PIK3R4: variants seen among roughly 807,000 people sequenced by gnomAD.
The protein encoded by PIK3R4 is phosphoinositide 3-kinase regulatory subunit 4.
In PIK3R4, 46 loss-of-function variants were observed where a neutral mutation model predicts 136.5. The ratio of observed to expected loss-of-function variants is 0.34; its 90% CI spans 0.27 to 0.43. PIK3R4 has a LOEUF of 0.43. Among genes scored for constraint, PIK3R4 ranks in the 20% least tolerant of loss-of-function variants. The pLI is 1.00. For synonymous variants in PIK3R4, 557 were observed against 566.7 expected (o/e 0.98, Z 0.24); for missense variants, 1,331 against 1,649.5 (o/e 0.81, Z 3.35).
At chr3:130,708,165 T>C in intron 10 of PIK3R4, 126 bp downstream of exon 10, 1 of 712,308 alleles carries the variant, frequency 1.4e-6, no homozygotes, top group Middle Eastern at 3.5e-4. Context: ...AGTAATGGAG[T>C]CACTGTATTT....
chr3:130,701,420 G>A (rs928846010), intron 13 of PIK3R4, among the ~76,000 whole-genome samples: 1 of 152,022 alleles, frequency 6.6e-6, no homozygotes, highest in Non-Finnish European at 1.5e-5. Context: ...GCTGAGGCAG[G>A]AGAATCACTT....
rs5852606 is a variant in PIK3R4 at position 130,728,686 on chromosome 3, T to TAAAAA, written c.1586-7_1586-3dup. 1.1e-4 allele frequency: 112 copies of TAAAAA among 1,027,928 alleles called. No homozygotes were observed. The highest frequency in any genetic ancestry group is 7.9e-4 in the South Asian group (33 of 41,666). The allele number at this position is 1,027,928 out of a possible 1,614,324, so 63.7% of individuals were successfully genotyped here. On this transcript the variant is annotated splice_polypyrimidine_tract_variant and splice_region_variant and intron_variant, in intron 5 of 19. Transcript: ENST00000356763. The stretch of plus-strand genomic sequence containing the variant: ...CCATTTCATGTAAGGCTTGGAGCTC[T>TAAAAA]AAAAAAAAAAAAAAAAGAAAGAAAG...
chr3:130,739,218 A>G (rs1333680757), intron 2 of PIK3R4, among the ~76,000 whole-genome samples: 2 of 152,198 alleles, frequency 1.3e-5, no homozygotes, highest in Non-Finnish European at 2.9e-5. Context: ...CTGGGACTAC[A>G]GGCGCCTGCC....
At chr3:130,681,467 T>G in intron 17 of PIK3R4, 24 bp downstream of exon 17, 3 of 1,359,940 alleles carry the variant, frequency 2.2e-6, no homozygotes, top group Non-Finnish European at 3.2e-6. Flanking sequence ...ATATCATCCT[T>G]TACAGTAAAA....
intron 16 of PIK3R4, among the ~76,000 whole-genome samples, chr3:130,683,510 C>G (rs987882092): frequency 2.6e-5 from 4 of 152,088 alleles, no homozygotes; most frequent in Admixed American, 6.5e-5. Context: ...TAACAGAAAT[C>G]AACTGATCAA....
intron 4 of PIK3R4, among the ~76,000 whole-genome samples, chr3:130,731,013 G>C (rs1481300785): frequency 6.6e-6 from 1 of 152,172 alleles, no homozygotes; most frequent in East Asian, 1.9e-4. Context: ...GTGGCAGACT[G>C]TTTGCACATT....
At chr3:130,720,264 C>A (rs912466781) in intron 7 of PIK3R4, among the ~76,000 whole-genome samples, 2 of 151,932 alleles carry the variant, frequency 1.3e-5, no homozygotes, top group Non-Finnish European at 2.9e-5. Context: ...GGCACGATCT[C>A]GACTCATCGC....
rs11711283 is a variant in PIK3R4 at position 130,742,466 on chromosome 3, C to T, written c.733+2020G>A. Among the ~76,000 whole-genome samples, 1,152 of 152,210 alleles carry T rather than the reference C, an allele frequency of 7.6e-3. 10 individuals carry two copies. The highest frequency in any genetic ancestry group is 8.3e-3 in the Non-Finnish European group (561 of 68,000). On this transcript the variant is annotated intron_variant, in intron 2 of 19. Coordinates refer to ENST00000356763, the MANE Select transcript of PIK3R4 (RefSeq NM_014602.3). ...GTGAGTTTAAAATGTAAAAATGGTT[C>T]AAGAAAATTTTAATACACTGATCAA...
intron 13 of PIK3R4, among the ~76,000 whole-genome samples, chr3:130,698,058 G>A (rs1344738942): frequency 6.6e-6 from 1 of 152,068 alleles, no homozygotes; most frequent in Non-Finnish European, 1.5e-5. Flanking sequence ...TATCATTTCT[G>A]ACTTAAAAAT....
In PIK3R4 at chr3:130,690,482, TAAG is replaced by T; in HGVS notation, c.3263+5_3263+7del. The T allele has an allele frequency of 6.2e-7, 1 of 1,602,000 alleles. No homozygotes were observed. Among genetic ancestry groups the T allele is most frequent in the Non-Finnish European group, 8.5e-7 (1 of 1,173,264 alleles). On this transcript the variant is annotated splice_donor_5th_base_variant and intron_variant, in intron 14 of 19. Coordinates refer to ENST00000356763, the MANE Select transcript of PIK3R4 (RefSeq NM_014602.3). The stretch of plus-strand genomic sequence containing the variant: ...TACAATGTTTAAGAAAGACAAAAGA[TAAG>T]ATACCTGCTTTGTAGAGGATGGATT...
chr3:130,724,835 C>T (rs1482082233), intron 6 of PIK3R4, among the ~76,000 whole-genome samples: 1 of 151,840 alleles, frequency 6.6e-6, no homozygotes, highest in Non-Finnish European at 1.5e-5. Context: ...GAAAAAAATT[C>T]AAGAGATAAA....
Position 130,734,018 on chromosome 3 carries a change from T to C in PIK3R4, c.980A>G (p.Tyr327Cys), listed in dbSNP as rs2066773061. 4 of 1,614,050 alleles carry C rather than the reference T, an allele frequency of 2.5e-6. No individual in the cohort carries two copies. The highest frequency in any genetic ancestry group is 1.7e-6 in the Non-Finnish European group (2 of 1,180,000). The part of the protein sequence containing the change: ...PEIFYTFLQP[Y>C]MAQFAKETFL... ...CGTTTCCTTGGCAAACTGGGCCATG[T>C]AGGGCTGAAGAAAAGTGTAAAATAT... The change falls in exon 4 of 20, where the codon TAC (tyrosine) becomes TGC (cysteine). Residue 327 changes from tyrosine to cysteine, a missense_variant. This residue lies in a region of PIK3R4 where 1,180 missense variants were observed against 1,407.0 expected (regional missense o/e 0.84). Transcript: ENST00000356763.
chr3:130,711,235 A>G (rs2066630908), intron 9 of PIK3R4, among the ~76,000 whole-genome samples: 1 of 152,034 alleles, frequency 6.6e-6, no homozygotes, highest in Admixed American at 6.6e-5. Context: ...ACGCACGCAC[A>G]CACACACAGA....
intron 13 of PIK3R4, among the ~76,000 whole-genome samples, chr3:130,692,767 G>A (rs1279841608): frequency 6.6e-6 from 1 of 152,236 alleles, no homozygotes; most frequent in Non-Finnish European, 1.5e-5. Context: ...CCAGTGACAA[G>A]CAATGGCAGA....
intron 9 of PIK3R4, among the ~76,000 whole-genome samples, chr3:130,714,605 A>AC (rs572438322): frequency 1.5e-5 from 2 of 131,708 alleles, no homozygotes; most frequent in Non-Finnish European, 3.2e-5. Flanking sequence ...CCCTCCCCTC[A>AC]CCCCCCACCC....
In PIK3R4 at chr3:130,679,265, G is replaced by A. The variant is rs371336719; in HGVS notation, c.*50C>T. The A allele has an allele frequency of 6.9e-4, 806 of 1,168,190 alleles. 14 individuals carry two copies. In the South Asian group the frequency reaches 0.015, roughly 21 times the overall value. The allele number at this position is 1,168,190 out of a possible 1,614,324, so 72.4% of individuals were successfully genotyped here. On this transcript the variant is annotated 3_prime_UTR_variant, in exon 20 of 20. Transcript: ENST00000356763. The stretch of plus-strand genomic sequence containing the variant: ...GTTCTCTAGAAATGCCTTTTCTCGA[G>A]TTATAGTATTATATTTATAACTATT...
At chr3:130,710,558 A>T (rs1210961641) in intron 9 of PIK3R4, among the ~76,000 whole-genome samples, 2 of 152,162 alleles carry the variant, frequency 1.3e-5, no homozygotes, top group Non-Finnish European at 1.5e-5. Flanking sequence ...ATACTATACT[A>T]AATATCCTAG....
intron 13 of PIK3R4, among the ~76,000 whole-genome samples, chr3:130,691,717 T>C (rs1453605667): frequency 2.7e-5 from 4 of 147,352 alleles, no homozygotes; most frequent in Non-Finnish European, 6.0e-5. Context: ...AATACAGAAA[T>C]GTAAAAACAT....
intron 2 of PIK3R4, among the ~76,000 whole-genome samples, chr3:130,738,351 C>T (rs1207947141): frequency 2.0e-5 from 3 of 152,048 alleles, no homozygotes; most frequent in Admixed American, 6.5e-5. Context: ...GATGTAACTC[C>T]GTTGTAAGTT....
Sources: gnomAD v4.1 joint callset for allele counts (sites outside exome capture counted in the v4.1 genomes callset) on GRCh38, gnomAD v4.1.1 for gene constraint, gnomAD v4.1.1 regional missense constraint, MANE v1.5 for transcripts, NCBI Gene and HGNC (gene_info 2026-07-23, HGNC 2026-07-21) for gene names.